Variants in C6orf62 observed in about 807,000 individuals in gnomAD.
The protein encoded by C6orf62 is uncharacterized protein C6orf62.
C6orf62 carries 16 observed loss-of-function variants against 26.8 expected under a neutral mutation model. That is an observed-to-expected ratio of 0.60 (90% CI 0.40 to 0.91). The LOEUF (loss-of-function observed/expected upper bound fraction) is 0.91. Among genes scored for constraint, C6orf62 ranks in the 40% least tolerant of loss-of-function variants. The pLI is 0.00. For synonymous variants in C6orf62, 112 were observed against 91.5 expected (o/e 1.22, Z -1.28); for missense variants, 192 against 271.4 (o/e 0.71, Z 2.06).
upstream of C6orf62, chr6:24,719,186 CCA>C (rs1779303115): frequency 1.0e-6 from 1 of 979,958 alleles, no homozygotes; most frequent in Admixed American, 6.3e-5. Flanking sequence ...CTCACCAAAA[CCA>C]AAACCAAAAC....
Position 24,719,092 on chromosome 6 carries a change from T to C in C6orf62, c.-424A>G. The C allele has an allele frequency of 4.0e-5, 40 of 988,464 alleles. No individual in the cohort carries two copies. Among genetic ancestry groups the C allele is most frequent in the Non-Finnish European group, 4.8e-5 (40 of 832,888 alleles). 61.2% of individuals were successfully genotyped at this position (988,464 alleles called of 1,614,324 possible). On this transcript the variant is annotated 5_prime_UTR_variant, in exon 1 of 5. Transcript: ENST00000378119. ...GACCAATCCCTAAAATCCATCCGGA[T>C]TTTCCCCCCTTTTTAGAAAAGGGAT...
upstream of C6orf62, chr6:24,719,426 G>A: frequency 1.9e-6 from 2 of 1,076,196 alleles, no homozygotes; most frequent in Non-Finnish European, 2.3e-6. Flanking sequence ...CAACTACAGT[G>A]TATACCGGGG....
At position 24,718,919 on chromosome 6, in the gene C6orf62, AAAGG is replaced by A; in HGVS notation, c.-255_-252del. On this transcript the variant is annotated 5_prime_UTR_variant, in exon 1 of 5. Coordinates refer to ENST00000378119, the MANE Select transcript of C6orf62 (RefSeq NM_030939.5). ...AATAACGTTTGGGGTCAGACGGGAA[AAAGG>A]GAGGAAAGAAAGGAAAGAAAGAGGA... 1.6e-6 allele frequency: 2 copies of A among 1,280,716 alleles called. No individual in the cohort carries two copies. Among genetic ancestry groups the A allele is most frequent in the Non-Finnish European group, 2.0e-6 (2 of 1,013,962 alleles). 79.3% of individuals were successfully genotyped at this position (1,280,716 alleles called of 1,614,324 possible). A position where few individuals can be genotyped will look rare whatever the true frequency, so the allele number is the denominator to read the frequency against.
chr6:24,712,953 G>C (rs547454729), intron 3 of C6orf62, among the ~76,000 whole-genome samples: 149 of 152,274 alleles, frequency 9.8e-4, no homozygotes, highest in African/African-American at 3.5e-3. Context: ...TATCAGCCCT[G>C]CGCTGAGAAC....
intron 4 of C6orf62, among the ~76,000 whole-genome samples, chr6:24,707,960 G>C (rs753721154): frequency 6.6e-6 from 1 of 150,992 alleles, no homozygotes; most frequent in Non-Finnish European, 1.5e-5. Context: ...GCAGCGAACT[G>C]AGATTGCGCC....
chr6:24,709,318 A>G (rs996912991), intron 3 of C6orf62: 60 of 985,256 alleles, frequency 6.1e-5, no homozygotes, highest in Middle Eastern at 5.2e-4. Context: ...GTATTTTCAA[A>G]CCTACTCAGT....
chr6:24,720,253 G>T, upstream of C6orf62: 1 of 1,298,012 alleles, frequency 7.7e-7, no homozygotes, highest in Non-Finnish European at 9.7e-7. Flanking sequence ...TCTAGCCGCA[G>T]CCTGCGGGCG....
chr6:24,710,770 G>A (rs540509142), intron 3 of C6orf62, among the ~76,000 whole-genome samples: 1 of 152,154 alleles, frequency 6.6e-6, no homozygotes, highest in South Asian at 2.1e-4. Context: ...AGTCCAAAGC[G>A]GGAGGATCAC....
intron 2 of C6orf62, 146 bp from the exon 3 acceptor site, chr6:24,714,586 A>AT: frequency 1.8e-6 from 1 of 545,704 alleles, no homozygotes; most frequent in East Asian, 3.2e-5. Flanking sequence ...GGAAGTAAAC[A>AT]TAATAGTTTA....
chr6:24,709,899 A>C (rs1177044415), intron 3 of C6orf62: 1 of 985,352 alleles, frequency 1.0e-6, no homozygotes, highest in Non-Finnish European at 1.2e-6. Flanking sequence ...GGTTCAAACA[A>C]ATTTTATTGC....
chr6:24,714,057 TA>T (rs1241352461), intron 3 of C6orf62, among the ~76,000 whole-genome samples: 2 of 152,226 alleles, frequency 1.3e-5, no homozygotes, highest in Non-Finnish European at 2.9e-5. Flanking sequence ...GGCCCCTCTA[TA>T]AATCAGTAAA....
chr6:24,706,403 C>T (rs1351592185), intron 4 of C6orf62, 141 bp from the exon 5 acceptor site: 4 of 1,287,048 alleles, frequency 3.1e-6, no homozygotes, highest in Admixed American at 2.9e-5. Context: ...ATATTCTAGA[C>T]AGACAAAATC....
chr6:24,708,729 A>G lies in C6orf62; in HGVS notation c.564+48T>C, dbSNP rs375340509. 40 of 1,611,154 alleles carry G rather than the reference A, an allele frequency of 2.5e-5. 1 individual carries two copies. The highest frequency in any genetic ancestry group is 6.6e-5 in the South Asian group (6 of 90,856). ...TTGTATATAAAACGTTTACTAACCA[A>G]TAAGTTTTTGAATGAGCCTGTAAGT... On this transcript the variant is annotated intron_variant, in intron 4 of 4. Transcript: ENST00000378119.
At chr6:24,713,021 C>A (rs897095165) in intron 3 of C6orf62, among the ~76,000 whole-genome samples, 1 of 152,206 alleles carries the variant, frequency 6.6e-6, no homozygotes, top group Non-Finnish European at 1.5e-5. Flanking sequence ...TTTCTCCCTT[C>A]AGTCAGATAT....
At chr6:24,711,926 AAT>A (rs1264887449) in intron 3 of C6orf62, among the ~76,000 whole-genome samples, 3 of 152,210 alleles carry the variant, frequency 2.0e-5, no homozygotes, top group Non-Finnish European at 2.9e-5. Context: ...TTCTATAATT[AAT>A]ATAGGTAAAT....
chr6:24,709,687 A>T, intron 3 of C6orf62: 1 of 985,446 alleles, frequency 1.0e-6, no homozygotes, highest in Non-Finnish European at 1.2e-6. Context: ...AAAGACTGTT[A>T]TCAATTAAGT....
At chr6:24,720,112 CGTTA>C (rs1376484723), upstream of C6orf62, 6 of 1,123,704 alleles carry the variant, frequency 5.3e-6, no homozygotes, top group Middle Eastern at 4.2e-4. Context: ...AGGGTGGGGT[CGTTA>C]GTTGTTTCCC....
intron 2 of C6orf62, 115 bp downstream of exon 2, chr6:24,716,033 C>T: frequency 1.3e-6 from 1 of 741,794 alleles, no homozygotes; most frequent in South Asian, 1.8e-5. Context: ...ACAAATTTAC[C>T]TGAAGAGACT....
At chr6:24,720,195 C>A, upstream of C6orf62, 4 of 1,355,956 alleles carry the variant, frequency 2.9e-6, no homozygotes, top group Non-Finnish European at 3.8e-6. Flanking sequence ...TCCCTGTCCC[C>A]GCGGAGCCCG....
Sources: allele counts gnomAD v4.1 joint callset (sites outside exome capture counted in the v4.1 genomes callset), GRCh38; gene constraint gnomAD v4.1.1; transcripts MANE v1.5; gene names NCBI Gene and HGNC (gene_info 2026-07-23, HGNC 2026-07-21).